The following AXDND1 variants were observed in gnomAD, a reference collection of about 807,000 sequenced individuals.
The protein encoded by AXDND1 is axonemal dynein light chain domain-containing protein 1.
A neutral mutation model predicts 137.5 loss-of-function variants in AXDND1; 110 were observed. The ratio of observed to expected loss-of-function variants is 0.80; its 90% CI spans 0.69 to 0.94. The LOEUF is 0.94. Among genes scored for constraint, AXDND1 ranks in the 40% least tolerant of loss-of-function variants. The probability of loss-of-function intolerance (pLI) is 0.00; values close to 1 mark genes in which losing one functional copy is unlikely to be tolerated. For missense variants in AXDND1, 1,191 were observed against 1,169.8 expected, an observed-to-expected ratio of 1.02 and a Z score of -0.26; for synonymous variants, 414 against 399.7, an observed-to-expected ratio of 1.04 and a Z score of -0.43.
rs370866552 is a variant in AXDND1, at chr1:179,462,916, G to T, written c.1799-5527G>T. On this transcript the variant is annotated intron_variant, in intron 16 of 25. Transcript: ENST00000367618. ...TTTTCTAGTTTATTTGCGTAGAGGT[G>T]TTTATAGTATTCTCTGATGGTAGTT... 1.2e-4 allele frequency among the ~76,000 whole-genome samples: 18 copies of T among 152,104 alleles called. No individual in the cohort carries two copies. In the East Asian group the frequency reaches 1.9e-3, roughly 16 times the overall value.
chr1:179,520,338 A>C (rs1669934998), intron 21 of AXDND1, among the ~76,000 whole-genome samples: 1 of 152,212 alleles, frequency 6.6e-6, no homozygotes, highest in Non-Finnish European at 1.5e-5. Flanking sequence ...AAACAGGGAT[A>C]GTTTGACTTT....
chr1:179,534,972 G>T lies in AXDND1; in HGVS notation c.3031+10G>T, dbSNP rs1572198393. ...AAATCTCCAAAGAAAGGTAAGGATT[G>T]CTTCGTATTTTGCTTTATTCAGGTT... is the stretch of plus-strand genomic sequence containing the variant. On this transcript the variant is annotated intron_variant, in intron 25 of 25. Transcript: ENST00000367618. 2 of 1,606,688 alleles carry T rather than the reference G, an allele frequency of 1.2e-6. No individual in the cohort carries two copies. Among genetic ancestry groups the T allele is most frequent in the African/African-American group, 1.3e-5 (1 of 74,572 alleles).
Position 179,411,167 on chromosome 1 carries a change from C to T in AXDND1, c.1131C>T (p.Asp377=). ...KNAKIVEEYH[D]LYTLQRERME... is the part of the protein sequence containing the mutation. ...ATAGAATAGTAGAAGAATATCATGACTTATATACATTACAAAGAGAAAGGA... is the reference window on the plus strand; with the variant it reads ...ATAGAATAGTAGAAGAATATCATGATTTATATACATTACAAAGAGAAAGGA... The change falls in exon 12 of 26, where the codon GAC becomes GAT. Residue 377 remains aspartate, a synonymous_variant. Transcript: ENST00000367618. 3 of 1,603,288 alleles carry T rather than the reference C, an allele frequency of 1.9e-6. No homozygotes were observed. Among genetic ancestry groups the T allele is most frequent in the Non-Finnish European group, 2.6e-6 (3 of 1,173,204 alleles).
intron 25 of AXDND1, chr1:179,543,064 C>A (rs1345352820): frequency 2.0e-5 from 3 of 152,252 alleles, no homozygotes; most frequent in Middle Eastern, 3.4e-3. Context: ...AGCAATCTGG[C>A]ACTGCTATAT....
intron 16 of AXDND1, among the ~76,000 whole-genome samples, chr1:179,466,797 A>G (rs1418835184): frequency 6.6e-6 from 1 of 152,148 alleles, no homozygotes; most frequent in Admixed American, 6.6e-5. Context: ...GAGACTCTGG[A>G]TGATACTATA....
At chr1:179,373,785 T>C (rs1255557623) in intron 4 of AXDND1, among the ~76,000 whole-genome samples, 1 of 152,172 alleles carries the variant, frequency 6.6e-6, no homozygotes, top group Non-Finnish European at 1.5e-5. Flanking sequence ...TGTAGAAAGC[T>C]GAAACTGGAT....
chr1:179,449,822 T>C (rs2125389747), intron 16 of AXDND1: 1 of 152,198 alleles, frequency 6.6e-6, no homozygotes. Flanking sequence ...TTAAAGTGTA[T>C]AGAAATAGAA....
intron 16 of AXDND1, chr1:179,449,143 C>T (rs2125386669): frequency 2.2e-6 from 1 of 454,344 alleles, no homozygotes; most frequent in Middle Eastern, 3.3e-4. Flanking sequence ...ACTTCAGCCC[C>T]CCAAAGTGCT....
At position 179,510,861 on chromosome 1, in the gene AXDND1, C is replaced by G. The variant is rs1364021311; in HGVS notation, c.2496+1458C>G. 3.9e-5 allele frequency among the ~76,000 whole-genome samples: 6 copies of G among 152,248 alleles called. No individual in the cohort carries two copies. In the East Asian group the frequency reaches 1.2e-3, roughly 29 times the overall value. On this transcript the variant is annotated intron_variant, in intron 21 of 25. Transcript: ENST00000367618. ...GCACCCATCACTCGAGTAGTATACA[C>G]TGCACCCTATTTGTAGTCTTTTATC...
intron 12 of AXDND1, among the ~76,000 whole-genome samples, chr1:179,426,666 C>CA (rs1283942084): frequency 6.6e-6 from 1 of 151,828 alleles, no homozygotes; most frequent in Non-Finnish European, 1.5e-5. Flanking sequence ...CTTGTGATTA[C>CA]AAAAATATTG....
intron 20 of AXDND1, among the ~76,000 whole-genome samples, chr1:179,495,896 C>A (rs201851303): frequency 8.6e-6 from 1 of 116,434 alleles, no homozygotes; most frequent in Non-Finnish European, 1.8e-5. Flanking sequence ...GCTGAAAATT[C>A]TTTTTTTTTT....
At chr1:179,419,065 G>A (rs547790317) in intron 12 of AXDND1, among the ~76,000 whole-genome samples, 5 of 151,386 alleles carry the variant, frequency 3.3e-5, no homozygotes, top group South Asian at 2.1e-4. Flanking sequence ...GGATGGCGGC[G>A]GGGAAGAGGC....
intron 12 of AXDND1, among the ~76,000 whole-genome samples, chr1:179,429,101 C>T (rs756807751): frequency 2.0e-5 from 3 of 151,876 alleles, no homozygotes; most frequent in East Asian, 1.9e-4. Context: ...GGTGTGAACC[C>T]GGGAGTTGGA....
chr1:179,462,338 T>G (rs1662453379), intron 16 of AXDND1, among the ~76,000 whole-genome samples: 1 of 152,350 alleles, frequency 6.6e-6, no homozygotes, highest in African/African-American at 2.4e-5. Flanking sequence ...GTTTATATGC[T>G]GGATTACATT....
intron 23 of AXDND1, 35 bp downstream of exon 23, chr1:179,528,466 C>A: frequency 7.0e-7 from 1 of 1,430,830 alleles, no homozygotes; most frequent in Non-Finnish European, 9.9e-7. Flanking sequence ...GAATTCAACA[C>A]TATTTAACAT....
At chr1:179,413,916 A>G (rs1654281992) in intron 12 of AXDND1, among the ~76,000 whole-genome samples, 1 of 151,132 alleles carries the variant, frequency 6.6e-6, no homozygotes, top group Non-Finnish European at 1.5e-5. Context: ...TTTTTTTTTT[A>G]CTTTTTAATA....
intron 12 of AXDND1, among the ~76,000 whole-genome samples, chr1:179,427,309 G>T (rs4652380): frequency 0.35 from 53,035 of 152,008 alleles, 9,440 homozygotes; most frequent in Middle Eastern, 0.44. Context: ...TGGGTGAGCT[G>T]GTGGGAATTT....
At chr1:179,369,538 G>A (rs992054451) in intron 3 of AXDND1, among the ~76,000 whole-genome samples, 8 of 152,126 alleles carry the variant, frequency 5.3e-5, no homozygotes, top group Admixed American at 2.0e-4. Context: ...TATAGTCCCA[G>A]CTACTCGGGA....
intron 21 of AXDND1, among the ~76,000 whole-genome samples, chr1:179,518,241 G>T (rs6690605): frequency 0.89 from 136,036 of 152,186 alleles, 60,892 homozygotes; most frequent in East Asian, 0.96. Context: ...TCTTCCATAT[G>T]ATAATATTTC....
Sources: allele counts gnomAD v4.1 joint callset (sites outside exome capture counted in the v4.1 genomes callset), GRCh38; gene constraint gnomAD v4.1.1; transcripts MANE v1.5; gene names NCBI Gene and HGNC (gene_info 2026-07-23, HGNC 2026-07-21).